The following HGF variants were observed in gnomAD, a reference collection of about 807,000 sequenced individuals.
HGF encodes hepatocyte growth factor.
Under a neutral mutation model 111.6 loss-of-function variants are expected in HGF, and 39 were observed. That is an observed-to-expected ratio of 0.35 (90% confidence interval 0.27 to 0.46). The LOEUF is 0.46. Among genes scored for constraint, HGF ranks in the 20% least tolerant of loss-of-function variants. The pLI, the probability that HGF is intolerant of heterozygous loss-of-function variation, is 1.00. For missense variants in HGF, 735 were observed against 910.5 expected (o/e 0.81, Z 2.48); for synonymous variants, 285 against 294.8 (o/e 0.97, Z 0.34).
chr7:81,764,375 T>G (rs1420359639), intron 1 of HGF, among the ~76,000 whole-genome samples: 3 of 152,168 alleles, frequency 2.0e-5, no homozygotes, highest in African/African-American at 7.2e-5. Flanking sequence ...CCTGCAATGA[T>G]GCTTTCATTT....
Position 81,757,181 on chromosome 7 carries a change from G to GT in HGF, c.482+7dup, listed in dbSNP as rs1234329339. Reference sequence around the variant, plus strand: ...AGGCTTCATCTCTTTTCTTCATACTGTTCTTACCTGTGTTCGTGTGGTATC... The same window carrying GT: ...AGGCTTCATCTCTTTTCTTCATACTGTTTCTTACCTGTGTTCGTGTGGTATC... On this transcript the variant is annotated splice_region_variant and intron_variant, in intron 4 of 17. Coordinates refer to ENST00000222390, the MANE Select transcript of HGF (RefSeq NM_000601.6). 1 of 1,364,964 alleles carries GT rather than the reference G, an allele frequency of 7.3e-7. No homozygotes were observed. The highest frequency in any genetic ancestry group is 1.4e-5 in the African/African-American group (1 of 70,312). The allele number at this position is 1,364,964 out of a possible 1,614,324, so 84.6% of individuals were successfully genotyped here. A position where few individuals can be genotyped will look rare whatever the true frequency, so the allele number is the denominator to read the frequency against.
chr7:81,704,379 T>C (rs897083337), intron 17 of HGF, among the ~76,000 whole-genome samples: 2 of 151,680 alleles, frequency 1.3e-5, no homozygotes, highest in African/African-American at 4.8e-5. Flanking sequence ...GCTTATTGCT[T>C]TTTCTTTTTA....
rs906623995 is a variant in HGF, at chr7:81,723,951, A to G, written c.1168+1939T>C. Among the ~76,000 whole-genome samples the G allele has an allele frequency of 3.3e-5, 5 of 152,106 alleles. No individual in the cohort carries two copies. In the East Asian group the frequency reaches 5.8e-4, roughly 18 times the overall value. On this transcript the variant is annotated intron_variant, in intron 9 of 17. Coordinates refer to ENST00000222390, the MANE Select transcript of HGF (RefSeq NM_000601.6). ...TTGAGAATTTAGGCAAGTTACTTAA[A>G]TTCCATAAAACTAATATTTTCACCT...
chr7:81,765,547 C>T (rs193072290), intron 1 of HGF, among the ~76,000 whole-genome samples: 31 of 152,172 alleles, frequency 2.0e-4, no homozygotes, highest in Admixed American at 1.7e-3. Context: ...ATTCTCTTCT[C>T]ACTATTTTGT....
chr7:81,736,894 G>GTGT (rs1554369033), intron 7 of HGF, among the ~76,000 whole-genome samples: 5 of 141,966 alleles, frequency 3.5e-5, no homozygotes, highest in African/African-American at 7.9e-5. Context: ...TGTGTAGAGG[G>GTGT]GTGTGTGTGT....
chr7:81,736,894 G>GTGTGTGTGT (rs1554369033), intron 7 of HGF, among the ~76,000 whole-genome samples: 190 of 142,052 alleles, frequency 1.3e-3, no homozygotes, highest in Non-Finnish European at 2.4e-3. Context: ...TGTGTAGAGG[G>GTGTGTGTGT]GTGTGTGTGT....
At chr7:81,750,935 GA>G (rs1267420133) in intron 5 of HGF, 1 of 914,582 alleles carries the variant, frequency 1.1e-6, no homozygotes, top group Non-Finnish European at 1.3e-6. Context: ...TAAAAGAAAA[GA>G]AAACAATGAA....
At chr7:81,744,727 C>A (rs1013583734) in intron 6 of HGF, among the ~76,000 whole-genome samples, 7 of 152,104 alleles carry the variant, frequency 4.6e-5, no homozygotes, top group African/African-American at 1.7e-4. Flanking sequence ...GTGTTCAGTA[C>A]CATGCTGATT....
At chr7:81,764,005 A>C (rs1412523741) in intron 1 of HGF, among the ~76,000 whole-genome samples, 1 of 152,164 alleles carries the variant, frequency 6.6e-6, no homozygotes, top group African/African-American at 2.4e-5. Flanking sequence ...GAAATATGGC[A>C]TGTAACACTT....
chr7:81,728,113 C>T (rs566776871), intron 8 of HGF, among the ~76,000 whole-genome samples: 2 of 152,126 alleles, frequency 1.3e-5, no homozygotes, highest in Non-Finnish European at 2.9e-5. Flanking sequence ...CAGTACGCCC[C>T]CTCACTACTG....
At position 81,720,835 on chromosome 7, in the gene HGF, C is replaced by A; in HGVS notation, c.1181G>T (p.Gly394Val). ...DMSHGQDCYR[G>V]NGKNYMGNLS... Reference sequence around the variant, plus strand: ...GTTGCCCATATAATTTTTGCCATTCCCACGATAACAATCTAGACATAAAAT... The same window carrying A: ...GTTGCCCATATAATTTTTGCCATTCACACGATAACAATCTAGACATAAAAT... Residue 394 changes from glycine to valine, a missense_variant, in exon 10 of 18, where the codon GGG becomes GTG. By Grantham distance (109) the Gly-to-Val change is moderately radical. Coordinates refer to ENST00000222390, the MANE Select transcript of HGF (RefSeq NM_000601.6). The A allele has an allele frequency of 6.3e-7, 1 of 1,588,912 alleles. No homozygotes were observed.
At chr7:81,713,999 T>C (rs942964875) in intron 11 of HGF, among the ~76,000 whole-genome samples, 3 of 141,700 alleles carry the variant, frequency 2.1e-5, no homozygotes, top group African/African-American at 7.5e-5. Context: ...CGTGTGTGTG[T>C]GTGTGTGTGT....
At chr7:81,704,799 T>C (rs564453795) in intron 17 of HGF, among the ~76,000 whole-genome samples, 1 of 151,774 alleles carries the variant, frequency 6.6e-6, no homozygotes, top group Non-Finnish European at 1.5e-5. Flanking sequence ...TTTAACAGCT[T>C]GTCTATGTAA....
At chr7:81,740,038 C>T (rs769165201) in intron 7 of HGF, among the ~76,000 whole-genome samples, 3 of 152,086 alleles carry the variant, frequency 2.0e-5, no homozygotes, top group Non-Finnish European at 2.9e-5. Context: ...ATCTCTTTAC[C>T]CCCTTCCTCA....
intron 13 of HGF, among the ~76,000 whole-genome samples, chr7:81,709,563 T>C (rs1789518400): frequency 6.6e-6 from 1 of 152,278 alleles, no homozygotes; most frequent in African/African-American, 2.4e-5. Context: ...GAATATGTCA[T>C]TGATTCTTAA....
intron 12 of HGF, 38 bp from the exon 13 acceptor site, chr7:81,710,281 A>T: frequency 7.4e-7 from 1 of 1,345,894 alleles, no homozygotes. Flanking sequence ...TTAAAATAAG[A>T]ATTTGAAATA....
intron 5 of HGF, among the ~76,000 whole-genome samples, chr7:81,747,104 C>A (rs1562896180): frequency 6.6e-6 from 1 of 152,092 alleles, no homozygotes; most frequent in Non-Finnish European, 1.5e-5. Context: ...TTTGGGAGGC[C>A]AAGATGGGCG....
intron 5 of HGF, among the ~76,000 whole-genome samples, chr7:81,746,556 T>C (rs918742080): frequency 6.6e-6 from 1 of 152,190 alleles, no homozygotes. Context: ...TTCCTTCGTG[T>C]TGGATGAAAT....
chr7:81,757,361 G>A, intron 3 of HGF, 58 bp from the exon 4 acceptor site: 2 of 905,306 alleles, frequency 2.2e-6, no homozygotes, highest in Non-Finnish European at 3.7e-6. Context: ...CAGTATTTAA[G>A]AAAAAAATTC....
Sources: gnomAD v4.1 joint callset for allele counts (sites outside exome capture counted in the v4.1 genomes callset) on GRCh38, gnomAD v4.1.1 for gene constraint, MANE v1.5 for transcripts, NCBI Gene and HGNC (gene_info 2026-07-23, HGNC 2026-07-21) for gene names.